The following SLX4 variants were observed in gnomAD, a reference collection of about 807,000 sequenced individuals.
The protein encoded by SLX4 is structure-specific endonuclease subunit SLX4.
A neutral mutation model predicts 146.2 loss-of-function variants in SLX4; 112 were observed. The observed-to-expected ratio is 0.77, with a 90% confidence interval of 0.66 to 0.90. SLX4 has a LOEUF of 0.90. Among genes scored for constraint, SLX4 ranks in the 40% least tolerant of loss-of-function variants. The probability of loss-of-function intolerance (pLI) is 0.00; values close to 1 mark genes in which losing one functional copy is unlikely to be tolerated. For missense variants in SLX4, 2,563 were observed against 2,392.7 expected, an observed-to-expected ratio of 1.07 and a Z score of -1.49; for synonymous variants, 1,061 against 997.7, an observed-to-expected ratio of 1.06 and a Z score of -1.20.
chr16:3,597,120 C>T lies in SLX4; in HGVS notation c.1683+259G>A, dbSNP rs564242811. Among the ~76,000 whole-genome samples the T allele has an allele frequency of 4.6e-5, 7 of 152,266 alleles. No individual in the cohort carries two copies. Among genetic ancestry groups the T allele is most frequent in the Admixed American group, 1.3e-4 (2 of 15,278 alleles). ...ACGGGCGTGAGCCACTGCGCCCGGCCGGGACTCTGCATTTTCAACAAACTC... is the reference window on the plus strand; with the variant it reads ...ACGGGCGTGAGCCACTGCGCCCGGCTGGGACTCTGCATTTTCAACAAACTC... On this transcript the variant is annotated intron_variant, in intron 7 of 14. Transcript: ENST00000294008. The surrounding 1 kb of genome is among the most constrained non-coding windows in gnomAD (Gnocchi z 4.4).
At chr16:3,587,432 G>T (rs1243274914) in intron 12 of SLX4, among the ~76,000 whole-genome samples, 1 of 152,164 alleles carries the variant, frequency 6.6e-6, no homozygotes, top group East Asian at 1.9e-4. Flanking sequence ...AGAGGTGGAG[G>T]TTGCAGTGAG....
At chr16:3,607,067 T>G (rs189428515) in intron 2 of SLX4, among the ~76,000 whole-genome samples, 1 of 152,336 alleles carries the variant, frequency 6.6e-6, no homozygotes, top group Non-Finnish European at 1.5e-5. Flanking sequence ...TATACCCCAA[T>G]AAAGCTATTA....
chr16:3,585,800 CAAAAAA>C (rs1226056168), intron 12 of SLX4, among the ~76,000 whole-genome samples: 2 of 60,734 alleles, frequency 3.3e-5, no homozygotes, highest in Admixed American at 1.7e-4. Flanking sequence ...CCTATCTCTA[CAAAAAA>C]AAAAAAAAAA....
chr16:3,606,470 A>G lies in SLX4; in HGVS notation c.760+4T>C, dbSNP rs552926547. On this transcript the variant is annotated splice_donor_region_variant and intron_variant, in intron 3 of 14. Transcript: ENST00000294008. ...TGTGGAAGACAGAAACACACTCATC[A>G]TACCATTCCCCGCCATCATCTCCTC... The G allele has an allele frequency of 1.2e-5, 20 of 1,613,876 alleles. No individual in the cohort carries two copies. Among genetic ancestry groups the G allele is most frequent in the Non-Finnish European group, 1.7e-5 (20 of 1,179,922 alleles).
chr16:3,600,839 G>A, intron 5 of SLX4, 140 bp downstream of exon 5: 1 of 824,798 alleles, frequency 1.2e-6, no homozygotes, highest in Non-Finnish European at 2.0e-6. Flanking sequence ...AAGGTGATCT[G>A]CCCACCTTGG....
chr16:3,582,879 C>T (rs962691048), intron 14 of SLX4, among the ~76,000 whole-genome samples, 186 bp from the exon 15 acceptor site: 1 of 152,168 alleles, frequency 6.6e-6, no homozygotes, highest in Non-Finnish European at 1.5e-5. Context: ...CTGCCCCAGC[C>T]AGAAATGTCT....
chr16:3,596,121 G>T (rs565802460), intron 8 of SLX4, 32 bp downstream of exon 8: 1 of 1,542,322 alleles, frequency 6.5e-7, no homozygotes, highest in South Asian at 1.2e-5. Context: ...GGGAGGGCAG[G>T]GCTGGCCCTA....
At position 3,608,895 on chromosome 16, in the gene SLX4, G is replaced by T; in HGVS notation, c.70C>A (p.Pro24Thr). 1 of 1,614,120 alleles carries T rather than the reference G, an allele frequency of 6.2e-7. No individual in the cohort carries two copies. Residue 24 changes from proline (P) to threonine (T), a missense_variant, in exon 2 of 15, where the codon CCT (proline) becomes ACT (threonine). Pro to Thr is a conservative substitution (Grantham distance 38, BLOSUM62 -1). Transcript: ENST00000294008. Reference protein sequence around the residue: ...LGSLSHLSACPGIDPRSSEDQ... With the variant: ...LGSLSHLSACTGIDPRSSEDQ... ...TCAGAGGAGCGAGGGTCAATCCCAGGACAGGCAGACAGATGAGAAAGTGAA... is the reference window on the plus strand; with the variant it reads ...TCAGAGGAGCGAGGGTCAATCCCAGTACAGGCAGACAGATGAGAAAGTGAA...
At chr16:3,584,947 C>T (rs2040491298) in intron 12 of SLX4, 76 bp from the exon 13 acceptor site, 2 of 1,061,048 alleles carry the variant, frequency 1.9e-6, no homozygotes, top group South Asian at 2.5e-5. Context: ...GTAGCGTGAC[C>T]AAGAGGAATA....
chr16:3,603,116 C>T (rs556534269), intron 3 of SLX4, among the ~76,000 whole-genome samples: 55 of 152,156 alleles, frequency 3.6e-4, no homozygotes, highest in Non-Finnish European at 6.8e-4. Context: ...TGCAACGACG[C>T]GATCTCAGCT....
rs1167109483 is a variant in SLX4, at chr16:3,590,107, T to C, written c.3531A>G (p.Glu1177=). The C allele has an allele frequency of 6.2e-7, 1 of 1,614,226 alleles. No individual in the cohort carries two copies. ...GGCTAATTTCTAGAGCTTTCTTTTCTTCCAGAGGATCACTAGAAATGGACT... is the reference window on the plus strand; with the variant it reads ...GGCTAATTTCTAGAGCTTTCTTTTCCTCCAGAGGATCACTAGAAATGGACT... ...KMKSISSDPL[E]EKKALEISPR... The change falls in exon 12 of 15, where the codon GAA becomes GAG. Residue 1177 remains glutamate, a synonymous_variant. Coordinates refer to ENST00000294008, the MANE Select transcript of SLX4 (RefSeq NM_032444.4). The surrounding 1 kb of genome is among the most constrained non-coding windows in gnomAD (Gnocchi z 4.8).
chr16:3,582,343 C>T lies in SLX4; in HGVS notation c.5504G>A (p.Ter1835=). 1 of 1,610,658 alleles carries T rather than the reference C, an allele frequency of 6.2e-7. No individual in the cohort carries two copies. Among genetic ancestry groups the T allele is most frequent in the Non-Finnish European group, 8.5e-7 (1 of 1,179,864 alleles). ...TGGGGTGGGGTCGGGATGGCCCCATCAGTTCCGCTCCACCTTCTTCTTGCC... is the reference window on the plus strand; with the variant it reads ...TGGGGTGGGGTCGGGATGGCCCCATTAGTTCCGCTCCACCTTCTTCTTGCC... The part of the protein sequence containing the change: ...PRGKKKVERN[*] The change falls in exon 15 of 15, where the codon TGA becomes TAA. Residue 1835 remains the stop codon, a stop_retained_variant. Transcript: ENST00000294008.
intron 3 of SLX4, among the ~76,000 whole-genome samples, chr16:3,606,195 G>A (rs544278696): frequency 1.6e-4 from 25 of 151,910 alleles, no homozygotes; most frequent in African/African-American, 5.8e-4. Flanking sequence ...AGGTTGCAGT[G>A]AGCTGAGATC....
chr16:3,586,470 G>A (rs2151119192), intron 12 of SLX4, among the ~76,000 whole-genome samples: 2 of 151,858 alleles, frequency 1.3e-5, no homozygotes, highest in South Asian at 4.2e-4. Flanking sequence ...ACAATGAGCT[G>A]TAATTGCGCC....
chr16:3,604,300 C>T (rs894478271), intron 3 of SLX4, among the ~76,000 whole-genome samples: 1 of 151,300 alleles, frequency 6.6e-6, no homozygotes, highest in Non-Finnish European at 1.5e-5. Context: ...TAGGATACTG[C>T]TGAGCTACAG....
At chr16:3,600,708 C>T in intron 5 of SLX4, 1 of 353,804 alleles carries the variant, frequency 2.8e-6, no homozygotes, top group South Asian at 2.2e-5. Flanking sequence ...TCAAGTGATT[C>T]TCCTGCCTCA....
chr16:3,584,566 C>G (rs1307450376), intron 13 of SLX4, among the ~76,000 whole-genome samples: 2 of 152,284 alleles, frequency 1.3e-5, no homozygotes, highest in East Asian at 3.9e-4. Context: ...GCAGAGAGAA[C>G]TGGGAGGCTC....
chr16:3,602,320 A>C lies in SLX4; in HGVS notation c.761-13T>G. ...CCAAGCCCATACACTGTGGAGAAGC[A>C]CCAAAGATCCGTGAGAATAAACTCC... On this transcript the variant is annotated splice_polypyrimidine_tract_variant and intron_variant, in intron 3 of 14. Transcript: ENST00000294008. The C allele has an allele frequency of 6.2e-7, 1 of 1,613,364 alleles. No individual in the cohort carries two copies. Among genetic ancestry groups the C allele is most frequent in the Non-Finnish European group, 8.5e-7 (1 of 1,180,010 alleles).
rs934651481 is a variant in SLX4, at chr16:3,605,089, T to TA, written c.760+1384dup. Among the ~76,000 whole-genome samples, 421 of 151,328 alleles carry TA rather than the reference T, an allele frequency of 2.8e-3. 3 individuals are homozygous for TA. The highest frequency in any genetic ancestry group is 4.5e-3 in the Admixed American group (69 of 15,180). On this transcript the variant is annotated intron_variant, in intron 3 of 14. Transcript: ENST00000294008. ...TTGTGCACCATCATGCCCAGCTAAT[T>TA]AAAAAAAAATTTTTTTTTGAGTCAG...
Sources: allele counts gnomAD v4.1 joint callset (sites outside exome capture counted in the v4.1 genomes callset), GRCh38; gene constraint gnomAD v4.1.1; non-coding constraint Gnocchi (gnomAD v3.1); transcripts MANE v1.5; gene names NCBI Gene and HGNC (gene_info 2026-07-23, HGNC 2026-07-21).